Variants in SELENOF observed in about 807,000 individuals in gnomAD.
SELENOF encodes the protein 15 kDa selenoprotein.
Under a neutral mutation model 20.5 loss-of-function variants are expected in SELENOF, and 16 were observed. That is an observed-to-expected ratio of 0.78 (90% CI 0.53 to 1.19). The LOEUF (loss-of-function observed/expected upper bound fraction) is 1.19. Among genes scored for constraint, SELENOF ranks in the 50% most tolerant of loss-of-function variants. The pLI is 0.00. For missense variants in SELENOF, 215 were observed against 194.2 expected (o/e 1.11, Z -0.64); for synonymous variants, 78 against 74.5 (o/e 1.05, Z -0.24).
chr1:86,876,507 T>A (rs1167148678), intron 3 of SELENOF, among the ~76,000 whole-genome samples: 1 of 152,176 alleles, frequency 6.6e-6, no homozygotes, highest in East Asian at 1.9e-4. Context: ...TCCAGGTGAT[T>A]CTTATATGTA....
intron 4 of SELENOF, among the ~76,000 whole-genome samples, chr1:86,866,224 G>C (rs1352474786): frequency 1.0e-5 from 1 of 96,924 alleles, no homozygotes; most frequent in African/African-American, 4.9e-5. Flanking sequence ...AAAAAAGTGT[G>C]TGTCTCTGTG....
chr1:86,884,348 C>T (rs1390145256), intron 2 of SELENOF, among the ~76,000 whole-genome samples: 1 of 64,724 alleles, frequency 1.5e-5, no homozygotes, highest in Non-Finnish European at 3.0e-5. Context: ...CACATACATA[C>T]ACACACACAC....
chr1:86,894,043 C>T (rs956185721), intron 2 of SELENOF, among the ~76,000 whole-genome samples: 1 of 152,134 alleles, frequency 6.6e-6, no homozygotes, highest in Non-Finnish European at 1.5e-5. Context: ...AATCCCTGAC[C>T]TGCTGAATTA....
chr1:86,870,957 T>A (rs1209225788), intron 3 of SELENOF, among the ~76,000 whole-genome samples: 1 of 151,908 alleles, frequency 6.6e-6, no homozygotes, highest in East Asian at 1.9e-4. Context: ...CTGCAATAAG[T>A]GAACAAATTT....
intron 3 of SELENOF, among the ~76,000 whole-genome samples, chr1:86,878,398 G>A (rs1658977425): frequency 1.3e-5 from 2 of 152,222 alleles, no homozygotes; most frequent in African/African-American, 2.4e-5. Flanking sequence ...ATATGAAGCA[G>A]TGGCTGGGTG....
intron 2 of SELENOF, among the ~76,000 whole-genome samples, chr1:86,893,052 A>G (rs1434198019): frequency 1.3e-5 from 2 of 152,202 alleles, no homozygotes; most frequent in Non-Finnish European, 1.5e-5. Flanking sequence ...TAGACCTGAG[A>G]TAAAACCAGG....
intron 1 of SELENOF, among the ~76,000 whole-genome samples, 172 bp from the exon 2 acceptor site, chr1:86,903,620 C>T (rs893275791): frequency 6.6e-5 from 10 of 151,894 alleles, no homozygotes; most frequent in African/African-American, 2.2e-4. Flanking sequence ...TTTTTTGAGA[C>T]GGAGTCTTGC....
intron 2 of SELENOF, chr1:86,887,126 C>T: frequency 6.6e-7 from 1 of 1,514,072 alleles, no homozygotes; most frequent in Non-Finnish European, 8.8e-7. Context: ...CTTCCCCATA[C>T]TTTCTGATTA....
intron 1 of SELENOF, among the ~76,000 whole-genome samples, chr1:86,911,481 C>A (rs1659979829): frequency 6.6e-6 from 1 of 152,148 alleles, no homozygotes; most frequent in Non-Finnish European, 1.5e-5. Flanking sequence ...ACAAGTGCCT[C>A]CTTAAGGAAC....
At chr1:86,913,097 A>T (rs1179850327) in intron 1 of SELENOF, among the ~76,000 whole-genome samples, 1 of 152,222 alleles carries the variant, frequency 6.6e-6, no homozygotes, top group African/African-American at 2.4e-5. Context: ...GCCAAAGCAA[A>T]CAGCCAGGAT....
intron 2 of SELENOF, among the ~76,000 whole-genome samples, chr1:86,892,236 C>T (rs570482365): frequency 6.6e-6 from 1 of 152,116 alleles, no homozygotes; most frequent in South Asian, 2.1e-4. Context: ...CCACCCCCGG[C>T]CTATGTTATT....
rs529465028 is a variant in SELENOF at position 86,872,569 on chromosome 1, C to T, written c.317-4467G>A. Among the ~76,000 whole-genome samples the T allele has an allele frequency of 2.0e-5, 3 of 146,930 alleles. No individual in the cohort carries two copies. The East Asian group carries it at 6.0e-4, about 29-fold the overall frequency. The stretch of plus-strand genomic sequence containing the variant: ...TTTTTTTTTGTATTTTTAGTAAAGA[C>T]GAGGTTTCTCCATGTTGGTCAGGCT... On this transcript the variant is annotated intron_variant, in intron 3 of 4. Coordinates refer to ENST00000331835, the MANE Select transcript of SELENOF (RefSeq NM_004261.5).
chr1:86,910,188 T>A (rs1659942535), intron 1 of SELENOF, among the ~76,000 whole-genome samples: 1 of 152,210 alleles, frequency 6.6e-6, no homozygotes. Flanking sequence ...ATACATTTCG[T>A]TAAAGTAGTG....
At chr1:86,899,085 G>A (rs1451755633) in intron 2 of SELENOF, among the ~76,000 whole-genome samples, 1 of 151,774 alleles carries the variant, frequency 6.6e-6, no homozygotes, top group Non-Finnish European at 1.5e-5. Flanking sequence ...ATGTTTCAGA[G>A]AGCACAAGGT....
chr1:86,891,007 T>C (rs486133), intron 2 of SELENOF, among the ~76,000 whole-genome samples: 36,198 of 151,766 alleles, frequency 0.24, 5,061 homozygotes, highest in African/African-American at 0.38. Flanking sequence ...AAACAGAATA[T>C]CATATCAACA....
Position 86,914,043 on chromosome 1 carries a change from C to G in SELENOF, c.69G>C (p.Ala23=). Residue 23 remains alanine, a synonymous_variant, in exon 1 of 5, where the codon GCG becomes GCC. Transcript: ENST00000331835. Reference sequence around the variant, plus strand: ...CTACACTCACCGCTTGAAGCACAGTCGCCAACAACAACCGTAGCCCAAACG... The same window carrying G: ...CTACACTCACCGCTTGAAGCACAGTGGCCAACAACAACCGTAGCCCAAACG... The part of the protein sequence containing the change: ...VPAFGLRLLL[A]TVLQAVSAFG... The G allele has an allele frequency of 6.2e-7, 1 of 1,613,924 alleles. No individual in the cohort carries two copies. The highest frequency in any genetic ancestry group is 1.6e-4 in the Middle Eastern group (1 of 6,062).
At chr1:86,898,615 T>C (rs1321372556) in intron 2 of SELENOF, among the ~76,000 whole-genome samples, 2 of 148,068 alleles carry the variant, frequency 1.4e-5, no homozygotes, top group Admixed American at 6.8e-5. Context: ...AGAATCTTGC[T>C]CTGTCGCCCA....
At chr1:86,874,530 TAAGGAGTATTAAA>T (rs1392276117) in intron 3 of SELENOF, among the ~76,000 whole-genome samples, 2 of 151,910 alleles carry the variant, frequency 1.3e-5, no homozygotes, top group Non-Finnish European at 2.9e-5. Flanking sequence ...GAGCTAACTT[TAAGGAGTATTAAA>T]AAGGAGTATT....
intron 1 of SELENOF, 127 bp from the exon 2 acceptor site, chr1:86,903,575 G>T: frequency 1.6e-6 from 1 of 633,976 alleles, no homozygotes; most frequent in Non-Finnish European, 2.5e-6. Context: ...TTCATTTGGA[G>T]ATAAATTCTT....
Sources: allele counts gnomAD v4.1 joint callset (sites outside exome capture counted in the v4.1 genomes callset), GRCh38; gene constraint gnomAD v4.1.1; transcripts MANE v1.5; gene names NCBI Gene and HGNC (gene_info 2026-07-23, HGNC 2026-07-21).